Variants in SPINK6 observed in about 807,000 individuals in gnomAD.
SPINK6 encodes serine peptidase inhibitor Kazal type 6.
In SPINK6, 13 loss-of-function variants were observed where a neutral mutation model predicts 11.7. The ratio of observed to expected loss-of-function variants is 1.11; its 90% CI spans 0.72 to 1.76. The LOEUF (loss-of-function observed/expected upper bound fraction) is 1.76, where lower values mean the gene tolerates loss of function less well. Ranked by LOEUF, SPINK6 falls within the 40% of genes most tolerant of loss-of-function variation. SPINK6 has a pLI of 0.00. For synonymous variants in SPINK6, 21 were observed against 31.9 expected (o/e 0.66, Z 1.15); for missense variants, 98 against 93.7 (o/e 1.05, Z -0.19).
Position 148,214,997 on chromosome 5 carries a change from T to G in SPINK6, c.*47T>G. 6.4e-7 allele frequency: 1 copy of G among 1,570,466 alleles called. No individual in the cohort carries two copies. Among genetic ancestry groups the G allele is most frequent in the South Asian group, 1.1e-5 (1 of 89,982 alleles). On this transcript the variant is annotated 3_prime_UTR_variant, in exon 4 of 4. Coordinates refer to ENST00000325630, the MANE Select transcript of SPINK6 (RefSeq NM_205841.4). The stretch of plus-strand genomic sequence containing the variant: ...TGACTTGCCAGCTTTTGCAGCCTTC[T>G]TTTCTCACTTCTGCTTATACTTTTG...
Position 148,214,764 on chromosome 5 carries a change from T to C in SPINK6, c.198-141T>C, listed in dbSNP as rs1262715804. ...GATGTAACCTCTGAGTGCATTTAAT[T>C]AACATCTTCTGAATCATATAAATGG... On this transcript the variant is annotated intron_variant, in intron 3 of 3. Transcript: ENST00000325630. 8 of 647,882 alleles carry C rather than the reference T, an allele frequency of 1.2e-5. No homozygotes were observed. The East Asian group carries it at 2.0e-4, about 16-fold the overall frequency. The allele number at this position is 647,882 out of a possible 1,614,324, so 40.1% of individuals were successfully genotyped here.
At chr5:148,213,282 G>A (rs2113318787) in intron 2 of SPINK6, among the ~76,000 whole-genome samples, 1 of 152,102 alleles carries the variant, frequency 6.6e-6, no homozygotes, top group African/African-American at 2.4e-5. Flanking sequence ...CGCGATCTGG[G>A]CTCACTGCAA....
chr5:148,209,720 G>A (rs1755544236), intron 2 of SPINK6, among the ~76,000 whole-genome samples: 1 of 151,964 alleles, frequency 6.6e-6, no homozygotes, highest in Admixed American at 6.6e-5. Context: ...CAGTAAATTT[G>A]GAACTGGCAA....
chr5:148,203,084 GCTAA>G lies in SPINK6; in HGVS notation c.-10_-7del, dbSNP rs1167472614. On this transcript the variant is annotated 5_prime_UTR_variant, in exon 1 of 4. Transcript: ENST00000325630. The stretch of plus-strand genomic sequence containing the variant: ...GACAAAGCAGCCTTGATCTGAGTGA[GCTAA>G]CTGACACAATGAAACTGTCAGGCAT... The G allele has an allele frequency of 6.2e-7, 1 of 1,606,098 alleles. No individual in the cohort carries two copies. The highest frequency in any genetic ancestry group is 1.3e-5 in the African/African-American group (1 of 74,282).
chr5:148,208,544 T>C (rs1328578789), intron 2 of SPINK6, among the ~76,000 whole-genome samples: 4 of 152,218 alleles, frequency 2.6e-5, no homozygotes, highest in Admixed American at 2.0e-4. Flanking sequence ...GTCTGAATTA[T>C]GGACTTCAAA....
At chr5:148,209,972 G>GTACATATGCATGTATACATACATACA (rs1491134038) in intron 2 of SPINK6, among the ~76,000 whole-genome samples, 1 of 141,094 alleles carries the variant, frequency 7.1e-6, no homozygotes, top group African/African-American at 2.9e-5. Flanking sequence ...ACATACATAC[G>GTACATATGCATGTATACATACATACA]TACGTATGTA....
chr5:148,207,021 TTG>T (rs61655416), intron 2 of SPINK6, among the ~76,000 whole-genome samples: 33 of 150,116 alleles, frequency 2.2e-4, no homozygotes, highest in South Asian at 8.4e-4. Flanking sequence ...GATGATGCAT[TTG>T]TGTGTGTGTG....
At chr5:148,210,045 T>C (rs187140394) in intron 2 of SPINK6, among the ~76,000 whole-genome samples, 2 of 37,810 alleles carry the variant, frequency 5.3e-5, no homozygotes, top group African/African-American at 8.9e-5. Flanking sequence ...AACGTATGTA[T>C]GCATATATGT....
Position 148,204,550 on chromosome 5 carries a change from T to C in SPINK6, c.58+1396T>C, listed in dbSNP as rs185211089. 2.6e-3 allele frequency among the ~76,000 whole-genome samples: 387 copies of C among 150,620 alleles called. 1 individual carries two copies. Among genetic ancestry groups the C allele is most frequent in the Admixed American group, 8.7e-3 (131 of 14,986 alleles). On this transcript the variant is annotated intron_variant, in intron 1 of 3. Transcript: ENST00000325630. ...TAATGCTGAAACAGAGTAAAGTGAA[T>C]TTTAGCCCTGGCACTTTCATTTTAT... is the stretch of plus-strand genomic sequence containing the variant.
upstream of SPINK6, chr5:148,202,974 TA>T (rs1461221177): frequency 1.6e-6 from 1 of 620,850 alleles, no homozygotes; most frequent in African/African-American, 1.9e-5. Context: ...CAGGCCCCAT[TA>T]AATGCATAAA....
At position 148,206,141 on chromosome 5, in the gene SPINK6, G is replaced by A; in HGVS notation, c.81+83G>A. On this transcript the variant is annotated intron_variant, in intron 2 of 3. Transcript: ENST00000325630. ...CTGGCCAAAAAGAAATTTGTCTATG[G>A]TTAACAGAGCAAAAACAATGAGCAG... The A allele has an allele frequency of 6.1e-6, 9 of 1,470,520 alleles. No homozygotes were observed. The South Asian group carries it at 9.2e-5, about 15-fold the overall frequency. 91.1% of individuals were successfully genotyped at this position (1,470,520 alleles called of 1,614,324 possible). A position where few individuals can be genotyped will look rare whatever the true frequency, so the allele number is the denominator to read the frequency against.
chr5:148,204,139 T>TA (rs35021075), intron 1 of SPINK6, among the ~76,000 whole-genome samples: 4,422 of 150,428 alleles, frequency 0.029, 227 homozygotes, highest in African/African-American at 0.1. Flanking sequence ...GATGTACAAG[T>TA]AAAAAAAAAA....
At position 148,203,055 on chromosome 5, in the gene SPINK6, G is replaced by C. The variant is rs1435952214; in HGVS notation, c.-42G>C. 1 of 1,560,488 alleles carries C rather than the reference G, an allele frequency of 6.4e-7. No homozygotes were observed. Among genetic ancestry groups the C allele is most frequent in the Non-Finnish European group, 8.7e-7 (1 of 1,149,854 alleles). On this transcript the variant is annotated 5_prime_UTR_variant, in exon 1 of 4. Coordinates refer to ENST00000325630, the MANE Select transcript of SPINK6 (RefSeq NM_205841.4). ...GGAATTGTCTTGACAGAGAACCTCA[G>C]CTGGACAAAGCAGCCTTGATCTGAG...
intron 2 of SPINK6, among the ~76,000 whole-genome samples, chr5:148,209,990 A>ACACACACGTACGTATGTATG (rs1561732151): frequency 3.5e-5 from 5 of 144,896 alleles, no homozygotes; most frequent in Non-Finnish European, 3.0e-5. Context: ...GTATGTATAC[A>ACACACACGTACGTATGTATG]TATACACGTA....
intron 2 of SPINK6, 48 bp from the exon 3 acceptor site, chr5:148,213,862 G>A (rs746767998): frequency 2.1e-6 from 2 of 937,120 alleles, no homozygotes; most frequent in East Asian, 4.8e-5. Context: ...CTGAAGGATG[G>A]TCTCTTAGAA....
chr5:148,209,975 C>CATATGCATGTATACATACACACGTAT lies in SPINK6; in HGVS notation c.81+3917_81+3918insATATGCATGTATACATACACACGTAT, dbSNP rs1190467937. ...ATATATATGTATACATACATACGTA[C>CATATGCATGTATACATACACACGTAT]GTATGTATGTATACATATACACGTA... On this transcript the variant is annotated intron_variant, in intron 2 of 3. Coordinates refer to ENST00000325630, the MANE Select transcript of SPINK6 (RefSeq NM_205841.4). 2.0e-5 allele frequency among the ~76,000 whole-genome samples: 3 copies of CATATGCATGTATACATACACACGTAT among 146,846 alleles called. 1 individual carries two copies. Among genetic ancestry groups the CATATGCATGTATACATACACACGTAT allele is most frequent in the African/African-American group, 7.9e-5 (3 of 38,100 alleles).
intron 2 of SPINK6, among the ~76,000 whole-genome samples, chr5:148,210,202 ATGTATTTCTG>A (rs1755569849): frequency 7.0e-6 from 1 of 143,664 alleles, no homozygotes. Context: ...CTGCATGCAT[ATGTATTTCTG>A]CATGCATATG....
intron 2 of SPINK6, among the ~76,000 whole-genome samples, chr5:148,206,293 G>A (rs1056992246): frequency 1.3e-5 from 2 of 152,144 alleles, no homozygotes; most frequent in Non-Finnish European, 2.9e-5. Flanking sequence ...AAAATAGGAT[G>A]TATCTGGGAT....
intron 2 of SPINK6, among the ~76,000 whole-genome samples, chr5:148,208,973 C>G (rs1452750629): frequency 1.3e-5 from 2 of 152,124 alleles, no homozygotes; most frequent in Non-Finnish European, 2.9e-5. Flanking sequence ...CCAGAACAAG[C>G]CTTTTAAAAG....
Sources: gnomAD v4.1 joint callset for allele counts (sites outside exome capture counted in the v4.1 genomes callset) on GRCh38, gnomAD v4.1.1 for gene constraint, MANE v1.5 for transcripts, NCBI Gene and HGNC (gene_info 2026-07-23, HGNC 2026-07-21) for gene names.